MTUS1: variants seen among roughly 807,000 people sequenced by gnomAD.
MTUS1 encodes microtubule-associated tumor suppressor 1.
A neutral mutation model predicts 120.8 loss-of-function variants in MTUS1; 109 were observed. The ratio of observed to expected loss-of-function variants is 0.90; its 90% confidence interval spans 0.77 to 1.06. The LOEUF is 1.06. MTUS1 is among the 50% of genes least tolerant of loss of function. The pLI is 0.00. For synonymous variants in MTUS1, 737 were observed against 550.5 expected (o/e 1.34, Z -4.74); for missense variants, 2,210 against 1,486.3 (o/e 1.49, Z -8.01).
At chr8:17,653,688 A>C in intron 10 of MTUS1, 190 bp from the exon 11 acceptor site, 1 of 518,132 alleles carries the variant, frequency 1.9e-6, no homozygotes, top group South Asian at 2.7e-5. Context: ...TAGGGTAGAC[A>C]TTCCCATTTT....
At chr8:17,712,670 C>T (rs192891974) in intron 6 of MTUS1, among the ~76,000 whole-genome samples, 45 of 152,222 alleles carry the variant, frequency 3.0e-4, no homozygotes, top group African/African-American at 1.0e-3. Context: ...GTCCATCCAT[C>T]CATCCATCCA....
Position 17,753,690 on chromosome 8 carries a change from T to G in MTUS1, c.2091+27A>C, listed in dbSNP as rs776106916. ...GTTTTCTCCACAGTTCTCTGAAGCA[T>G]GCAAAAAATATATATATATTACTTA... is the stretch of plus-strand genomic sequence containing the variant. On this transcript the variant is annotated intron_variant, in intron 2 of 14. Transcript: ENST00000693296. 10 of 1,463,160 alleles carry G rather than the reference T, an allele frequency of 6.8e-6. No homozygotes were observed. The South Asian group carries it at 1.3e-4, about 20-fold the overall frequency. The allele number at this position is 1,463,160 out of a possible 1,614,324, so 90.6% of individuals were successfully genotyped here.
At chr8:17,761,097 C>T (rs1363143836) in intron 1 of MTUS1, among the ~76,000 whole-genome samples, 1 of 151,690 alleles carries the variant, frequency 6.6e-6, no homozygotes, top group Non-Finnish European at 1.5e-5. Context: ...CAGAGCAGCT[C>T]CTCTTAAACG....
chr8:17,656,554 C>CT (rs573786033), intron 8 of MTUS1, among the ~76,000 whole-genome samples: 2 of 131,336 alleles, frequency 1.5e-5, no homozygotes, highest in African/African-American at 2.7e-5. Context: ...AACCCCCCCC[C>CT]ACCCCACATT....
intron 3 of MTUS1, among the ~76,000 whole-genome samples, chr8:17,741,044 T>A: frequency 1.3e-5 from 2 of 152,042 alleles, no homozygotes; most frequent in Non-Finnish European, 2.9e-5. Context: ...TTTTTTTTTG[T>A]ATTTTTAGTA....
At chr8:17,667,360 C>G (rs1811127715) in intron 8 of MTUS1, among the ~76,000 whole-genome samples, 1 of 152,190 alleles carries the variant, frequency 6.6e-6, no homozygotes, top group Non-Finnish European at 1.5e-5. Flanking sequence ...TGGAATTTTA[C>G]AACTCAAAAG....
chr8:17,763,839 T>C (rs995605753), intron 1 of MTUS1, among the ~76,000 whole-genome samples: 2 of 152,218 alleles, frequency 1.3e-5, no homozygotes, highest in African/African-American at 4.8e-5. Flanking sequence ...GTGGACATCA[T>C]ATGTACCACC....
At chr8:17,728,150 G>A (rs1003022186) in intron 3 of MTUS1, among the ~76,000 whole-genome samples, 3 of 152,194 alleles carry the variant, frequency 2.0e-5, no homozygotes, top group Admixed American at 6.5e-5. Flanking sequence ...TGGTGGGGAA[G>A]GGAAATGGGG....
At chr8:17,707,282 C>T (rs1289335955) in intron 6 of MTUS1, among the ~76,000 whole-genome samples, 1 of 152,222 alleles carries the variant, frequency 6.6e-6, no homozygotes, top group Non-Finnish European at 1.5e-5. Flanking sequence ...CCCAAAGTCA[C>T]TGGCTTTTCA....
At chr8:17,730,713 G>A (rs116581719) in intron 3 of MTUS1, among the ~76,000 whole-genome samples, 1,632 of 152,310 alleles carry the variant, frequency 0.011, 24 homozygotes, top group African/African-American at 0.035. Context: ...ACGGTGCTAA[G>A]TGAAATAAGC....
At chr8:17,783,404 A>G (rs1274860515) in intron 1 of MTUS1, among the ~76,000 whole-genome samples, 1 of 152,172 alleles carries the variant, frequency 6.6e-6, no homozygotes, top group East Asian at 1.9e-4. Flanking sequence ...AGCAGAACAA[A>G]GTCTCAGCAC....
At chr8:17,798,954 G>A (rs1049836580) in intron 1 of MTUS1, among the ~76,000 whole-genome samples, 1 of 151,856 alleles carries the variant, frequency 6.6e-6, no homozygotes, top group African/African-American at 2.4e-5. Context: ...CAAATCATCT[G>A]TAATCAAAGA....
rs144105492 is a variant in MTUS1 at position 17,796,943 on chromosome 8, C to G, written c.-155+4118G>C. Among the ~76,000 whole-genome samples the G allele has an allele frequency of 8.3e-3, 1,262 of 152,262 alleles. 17 individuals carry two copies. Among genetic ancestry groups the G allele is most frequent in the African/African-American group, 0.029 (1,212 of 41,536 alleles). ...GTTGGCCAACATGGTGAAACCCTGT[C>G]TCCACTAAAAATACAAAAATTAGCC... On this transcript the variant is annotated intron_variant, in intron 1 of 14. Coordinates refer to ENST00000693296, the MANE Select transcript of MTUS1 (RefSeq NM_001363059.2).
At chr8:17,700,578 A>G (rs1818873300) in intron 6 of MTUS1, among the ~76,000 whole-genome samples, 1 of 152,136 alleles carries the variant, frequency 6.6e-6, no homozygotes, top group South Asian at 2.1e-4. Context: ...AACATTAAAC[A>G]AAAACGATTA....
intron 1 of MTUS1, among the ~76,000 whole-genome samples, chr8:17,763,413 T>A (rs895597503): frequency 6.6e-6 from 1 of 152,220 alleles, no homozygotes; most frequent in Non-Finnish European, 1.5e-5. Context: ...ATGCAGAGAA[T>A]GTTGTTTCCA....
intron 3 of MTUS1, among the ~76,000 whole-genome samples, chr8:17,731,942 C>A (rs1429676078): frequency 6.6e-6 from 1 of 152,174 alleles, no homozygotes; most frequent in Non-Finnish European, 1.5e-5. Context: ...ACCTTTCATG[C>A]CAGTAGGGGC....
rs1001073099 is a variant in MTUS1, at chr8:17,755,603, T to A, written c.205A>T (p.Asn69Tyr). 1.9e-6 allele frequency: 3 copies of A among 1,614,154 alleles called. No individual in the cohort carries two copies. Among genetic ancestry groups the A allele is most frequent in the Admixed American group, 3.3e-5 (2 of 60,022 alleles). The change falls in exon 2 of 15, where the codon AAT (asparagine) becomes TAT (tyrosine). Residue 69 changes from asparagine to tyrosine, a missense_variant. Coordinates refer to ENST00000693296, the MANE Select transcript of MTUS1 (RefSeq NM_001363059.2). The part of the protein sequence containing the change: ...ETDPAVVTGE[N>Y]ISLSLQGVEV... ...ACACCCTGAAGGCTTAAAGAAATAT[T>A]TTCACCAGTAACTACAGCAGGGTCA...
intron 1 of MTUS1, among the ~76,000 whole-genome samples, chr8:17,762,944 G>T (rs1282589772): frequency 6.6e-6 from 1 of 151,008 alleles, no homozygotes; most frequent in Non-Finnish European, 1.5e-5. Flanking sequence ...CAGTTGACCA[G>T]ATCAAAAACA....
chr8:17,707,949 G>T (rs998829703), intron 6 of MTUS1, among the ~76,000 whole-genome samples: 1 of 152,286 alleles, frequency 6.6e-6, no homozygotes, highest in Non-Finnish European at 1.5e-5. Context: ...ATATAAAAAT[G>T]TAACTCAAAA....
Sources: allele counts gnomAD v4.1 joint callset (sites outside exome capture counted in the v4.1 genomes callset), GRCh38; gene constraint gnomAD v4.1.1; transcripts MANE v1.5; gene names NCBI Gene and HGNC (gene_info 2026-07-23, HGNC 2026-07-21).